The following NPNT variants were observed in gnomAD, a reference collection of about 807,000 sequenced individuals.
The protein encoded by NPNT is nephronectin, also known as preosteoblast EGF-like repeat protein with MAM domain.
Under a neutral mutation model 68.6 loss-of-function variants are expected in NPNT, and 45 were observed. The observed-to-expected ratio is 0.66, with a 90% CI of 0.52 to 0.84. The LOEUF is 0.84. Among genes scored for constraint, NPNT ranks in the 40% least tolerant of loss-of-function variants. NPNT has a pLI of 0.00. For synonymous variants in NPNT, 233 were observed against 253.3 expected, an observed-to-expected ratio of 0.92 and a Z score of 0.76; for missense variants, 672 against 714.8, an observed-to-expected ratio of 0.94 and a Z score of 0.68.
intron 8 of NPNT, among the ~76,000 whole-genome samples, chr4:105,944,414 G>T (rs183817169): frequency 6.6e-6 from 1 of 152,152 alleles, no homozygotes; most frequent in Admixed American, 6.5e-5. Context: ...AAGATGATAC[G>T]CTAAATATTT....
At chr4:105,916,364 C>CA (rs1315283991) in intron 2 of NPNT, among the ~76,000 whole-genome samples, 36 of 151,922 alleles carry the variant, frequency 2.4e-4, no homozygotes, top group African/African-American at 8.4e-4. Flanking sequence ...GGATTATAGG[C>CA]ATACACCACC....
At chr4:105,932,764 G>A (rs1376479904) in intron 3 of NPNT, 1 of 1,137,472 alleles carries the variant, frequency 8.8e-7, no homozygotes, top group Non-Finnish European at 1.3e-6. Context: ...CTGCAGTTAT[G>A]TCACTTCTTG....
At chr4:105,949,731 T>G (rs1040273872) in intron 8 of NPNT, among the ~76,000 whole-genome samples, 2 of 152,204 alleles carry the variant, frequency 1.3e-5, no homozygotes, top group African/African-American at 4.8e-5. Context: ...ACATGTTTTA[T>G]GGAAAATATT....
intron 8 of NPNT, among the ~76,000 whole-genome samples, chr4:105,951,031 A>C (rs889020198): frequency 1.3e-5 from 2 of 152,166 alleles, no homozygotes; most frequent in African/African-American, 4.8e-5. Flanking sequence ...TAACAAACAC[A>C]GGTAATGTTT....
chr4:105,942,456 A>C lies in NPNT; in HGVS notation c.913A>C (p.Ile305Leu), dbSNP rs146255174. 6 of 1,613,978 alleles carry C rather than the reference A, an allele frequency of 3.7e-6. No homozygotes were observed. The change falls in exon 8 of 12, where the codon ATC (isoleucine) becomes CTC (leucine). Residue 305 changes from isoleucine (I) to leucine (L), a missense_variant. Transcript: ENST00000379987. ...WPPKTPYIPP[I>L]ITNRPTSKPT... Reference sequence around the variant, plus strand: ...TCCGAAGACACCATATATTCCTCCTATCATTACCAACAGGCCTACTTCTAA... The same window carrying C: ...TCCGAAGACACCATATATTCCTCCTCTCATTACCAACAGGCCTACTTCTAA...
intron 2 of NPNT, among the ~76,000 whole-genome samples, chr4:105,906,956 C>A (rs1377933206): frequency 6.6e-6 from 1 of 152,178 alleles, no homozygotes; most frequent in East Asian, 1.9e-4. Flanking sequence ...CCTACTGATG[C>A]TGATACATGG....
Position 105,938,375 on chromosome 4 carries a change from C to A in NPNT, c.460C>A (p.Pro154Thr). 6.2e-7 allele frequency: 1 copy of A among 1,613,402 alleles called. No individual in the cohort carries two copies. Among genetic ancestry groups the A allele is most frequent in the Non-Finnish European group, 8.5e-7 (1 of 1,179,504 alleles). ...VVKGQIRCQC[P>T]SPGLQLAPDG... is the part of the protein sequence containing the mutation. ...TAAAGGACAAATACGGTGCCAGTGC[C>A]CATCCCCTGGCCTGCAGCTGGCTCC... The change falls in exon 5 of 12, where the codon CCA becomes ACA. Residue 154 changes from proline (P) to threonine (T), a missense_variant. Coordinates refer to ENST00000379987, the MANE Select transcript of NPNT (RefSeq NM_001033047.3).
chr4:105,958,459 T>G lies in NPNT; in HGVS notation c.1160-12T>G, dbSNP rs767552890. On this transcript the variant is annotated splice_polypyrimidine_tract_variant and intron_variant, in intron 8 of 11. Coordinates refer to ENST00000379987, the MANE Select transcript of NPNT (RefSeq NM_001033047.3). ...CACACACACACAAAAACTCAAAACCTTTCTCTTGCAGTTCCACGGCAACCT... is the reference window on the plus strand; with the variant it reads ...CACACACACACAAAAACTCAAAACCGTTCTCTTGCAGTTCCACGGCAACCT... 1 of 1,580,942 alleles carries G rather than the reference T, an allele frequency of 6.3e-7. No individual in the cohort carries two copies. The highest frequency in any genetic ancestry group is 1.1e-5 in the South Asian group (1 of 90,054).
chr4:105,924,010 A>C (rs892449121), intron 2 of NPNT, among the ~76,000 whole-genome samples: 3 of 150,272 alleles, frequency 2.0e-5, no homozygotes. Context: ...AACACTTTGC[A>C]CTCACTAAGA....
intron 2 of NPNT, among the ~76,000 whole-genome samples, chr4:105,913,225 A>G (rs1343326263): frequency 1.3e-5 from 2 of 152,218 alleles, no homozygotes; most frequent in Non-Finnish European, 2.9e-5. Context: ...AATGTTTTTA[A>G]GGCAGAATTT....
intron 2 of NPNT, among the ~76,000 whole-genome samples, chr4:105,920,395 T>TAAAAAAAAAAAAAAAAGAAAAAAAA (rs1728161899): frequency 1.3e-5 from 1 of 79,506 alleles, no homozygotes; most frequent in African/African-American, 5.1e-5. Flanking sequence ...GTTACTCTAC[T>TAAAAAAAAAAAAAAAAGAAAAAAAA]AAAAAAAAAA....
At chr4:105,901,200 C>T (rs543135472) in intron 2 of NPNT, among the ~76,000 whole-genome samples, 25 of 152,278 alleles carry the variant, frequency 1.6e-4, no homozygotes, top group African/African-American at 5.8e-4. Flanking sequence ...TCTTTAAAAG[C>T]TGTGTACACT....
chr4:105,953,039 A>G (rs1416496181), intron 8 of NPNT, among the ~76,000 whole-genome samples: 1 of 152,058 alleles, frequency 6.6e-6, no homozygotes, highest in Admixed American at 6.6e-5. Context: ...GGTGGTGCAC[A>G]CCTGGAATCC....
chr4:105,912,589 A>T (rs2149333081), intron 2 of NPNT: 1 of 995,470 alleles, frequency 1.0e-6, no homozygotes, highest in Non-Finnish European at 1.2e-6. Context: ...TACTAACACC[A>T]GCCTATCATT....
intron 8 of NPNT, among the ~76,000 whole-genome samples, chr4:105,951,129 G>A (rs1730802122): frequency 6.6e-6 from 1 of 152,202 alleles, no homozygotes; most frequent in South Asian, 2.1e-4. Flanking sequence ...TCTGGATGGA[G>A]TCAGAACTAG....
At chr4:105,910,815 A>T (rs1032270962) in intron 2 of NPNT, among the ~76,000 whole-genome samples, 1 of 152,174 alleles carries the variant, frequency 6.6e-6, no homozygotes, top group Non-Finnish European at 1.5e-5. Context: ...AATATGACCC[A>T]ACCTTAAGAT....
At chr4:105,916,758 T>C (rs1009979365) in intron 2 of NPNT, among the ~76,000 whole-genome samples, 1 of 152,312 alleles carries the variant, frequency 6.6e-6, no homozygotes, top group Middle Eastern at 3.4e-3. Context: ...ATTAGTTTCA[T>C]GAAGGTGGAG....
chr4:105,895,864 G>A, intron 1 of NPNT, 141 bp downstream of exon 1: 1 of 731,330 alleles, frequency 1.4e-6, no homozygotes, highest in Non-Finnish European at 2.3e-6. Flanking sequence ...ACAGCGTGGC[G>A]CGAGGAGAGC....
chr4:105,952,979 A>G (rs191358962), intron 8 of NPNT, among the ~76,000 whole-genome samples: 12 of 152,178 alleles, frequency 7.9e-5, no homozygotes, highest in African/African-American at 2.9e-4. Flanking sequence ...CAGCCTGGCC[A>G]ACATGGTGAA....
Sources: gnomAD v4.1 joint callset for allele counts (sites outside exome capture counted in the v4.1 genomes callset) on GRCh38, gnomAD v4.1.1 for gene constraint, MANE v1.5 for transcripts, NCBI Gene and HGNC (gene_info 2026-07-23, HGNC 2026-07-21) for gene names.